The following MFSD6 variants were observed in gnomAD, a reference collection of about 807,000 sequenced individuals.
MFSD6 encodes the protein major facilitator superfamily domain-containing protein 6.
A neutral mutation model predicts 56.3 loss-of-function variants in MFSD6; 26 were observed. The observed-to-expected ratio is 0.46, with a 90% CI of 0.34 to 0.64. The LOEUF is 0.64. Among genes scored for constraint, MFSD6 ranks in the 30% least tolerant of loss-of-function variants. The pLI, the probability that MFSD6 is intolerant of heterozygous loss-of-function variation, is 0.01. For missense variants in MFSD6, 750 were observed against 986.2 expected, an observed-to-expected ratio of 0.76 and a Z score of 3.21; for synonymous variants, 331 against 366.9, an observed-to-expected ratio of 0.90 and a Z score of 1.12.
chr2:190,488,183 G>A lies in MFSD6; in HGVS notation c.1631-474G>A, dbSNP rs199592602. On this transcript the variant is annotated intron_variant, in intron 4 of 7. Transcript: ENST00000392328. This position sits in a 1 kb window ranked among gnomAD's most constrained non-coding sequence, Gnocchi z 6.4. ...CCCAAAGTGCTGGGATTACAGGCGT[G>A]AGCCACTGCGCCCAGCCACTCAAAA... Among the ~76,000 whole-genome samples the A allele has an allele frequency of 1.3e-5, 2 of 152,238 alleles. No individual in the cohort carries two copies. Among genetic ancestry groups the A allele is most frequent in the East Asian group, 3.8e-4 (2 of 5,200 alleles).
At position 190,488,700 on chromosome 2, in the gene MFSD6, C is replaced by T. The variant is rs1689157933; in HGVS notation, c.1674C>T (p.Leu558=). The part of the protein sequence containing the change: ...AAIWAACISY[L]SAAVPPELRT... ...TCTGGGCAGCATGCATTTCTTACCTCAGTGCAGCCGTTCCCCCTGAGCTGA... is the reference window on the plus strand; with the variant it reads ...TCTGGGCAGCATGCATTTCTTACCTTAGTGCAGCCGTTCCCCCTGAGCTGA... The change falls in exon 5 of 8, where the codon CTC becomes CTT. Residue 558 remains leucine, a synonymous_variant. Transcript: ENST00000392328. This position sits in a 1 kb window ranked among gnomAD's most constrained non-coding sequence, Gnocchi z 6.4. 3 of 1,601,234 alleles carry T rather than the reference C, an allele frequency of 1.9e-6. No individual in the cohort carries two copies. The highest frequency in any genetic ancestry group is 2.3e-5 in the East Asian group (1 of 44,052).
chr2:190,449,507 CA>C (rs1686698387), intron 3 of MFSD6, among the ~76,000 whole-genome samples: 1 of 152,016 alleles, frequency 6.6e-6, no homozygotes, highest in Admixed American at 6.6e-5. Flanking sequence ...CTGTGTCCAA[CA>C]ACTTTGATTT....
At position 190,492,377 on chromosome 2, in the gene MFSD6, A is replaced by G. The variant is rs1689408959; in HGVS notation, c.1891+2511A>G. On this transcript the variant is annotated intron_variant, in intron 6 of 7. Coordinates refer to ENST00000392328, the MANE Select transcript of MFSD6 (RefSeq NM_017694.4). The surrounding 1 kb of genome is among the most constrained non-coding windows in gnomAD (Gnocchi z 5.2). ...ATCTAAAGTCAAGAGGAAGGAAAGAATCTTAAGAGCTGTGAGGCAAAAGCA... is the reference window on the plus strand; with the variant it reads ...ATCTAAAGTCAAGAGGAAGGAAAGAGTCTTAAGAGCTGTGAGGCAAAAGCA... Among the ~76,000 whole-genome samples the G allele has an allele frequency of 6.6e-6, 1 of 152,230 alleles. No homozygotes were observed. Among genetic ancestry groups the G allele is most frequent in the African/African-American group, 2.4e-5 (1 of 41,464 alleles).
At position 190,457,895 on chromosome 2, in the gene MFSD6, T is replaced by G. The variant is rs555955363; in HGVS notation, c.1533-11863T>G. On this transcript the variant is annotated intron_variant, in intron 3 of 7. Transcript: ENST00000392328. This position sits in a 1 kb window ranked among gnomAD's most constrained non-coding sequence, Gnocchi z 5.1. ...TAAAACCAGATTAATTAGCACTGTT[T>G]GTAAAAGGTTTTCATTTGACCTCAA... 2.0e-5 allele frequency among the ~76,000 whole-genome samples: 3 copies of G among 152,316 alleles called. No homozygotes were observed. In the East Asian group the frequency reaches 5.8e-4, roughly 29 times the overall value.
At position 190,500,276 on chromosome 2, in the gene MFSD6, G is replaced by A; in HGVS notation, c.*58G>A. ...ATCAGGCTCCTCAGCCAGGACACAG[G>A]GTGAGGCCCCCCAGCCAGGATATGC... On this transcript the variant is annotated 3_prime_UTR_variant, in exon 8 of 8. Coordinates refer to ENST00000392328, the MANE Select transcript of MFSD6 (RefSeq NM_017694.4). This position sits in a 1 kb window ranked among gnomAD's most constrained non-coding sequence, Gnocchi z 5.3. 1 of 1,589,762 alleles carries A rather than the reference G, an allele frequency of 6.3e-7. No homozygotes were observed. Among genetic ancestry groups the A allele is most frequent in the Non-Finnish European group, 8.6e-7 (1 of 1,162,034 alleles).
chr2:190,419,614 A>G (rs987179937), intron 2 of MFSD6, among the ~76,000 whole-genome samples: 1 of 152,240 alleles, frequency 6.6e-6, no homozygotes, highest in Non-Finnish European at 1.5e-5. Flanking sequence ...AATTATTCCA[A>G]ATAATGTATT....
At position 190,408,467 on chromosome 2, in the gene MFSD6, C is replaced by A. The variant is rs1212450191; in HGVS notation, c.-212C>A. On this transcript the variant is annotated 5_prime_UTR_variant, in exon 1 of 8. Coordinates refer to ENST00000392328, the MANE Select transcript of MFSD6 (RefSeq NM_017694.4). ...CGTGCTCCGGGGACAGGGCTCCCCG[C>A]GCCCCGCGCAGCTGAGCGCTGCCGC... is the stretch of plus-strand genomic sequence containing the variant. The A allele has an allele frequency of 6.6e-6, 1 of 151,658 alleles. No homozygotes were observed. Among genetic ancestry groups the A allele is most frequent in the African/African-American group, 2.4e-5 (1 of 41,166 alleles). 9.4% of individuals were successfully genotyped at this position (151,658 alleles called of 1,614,324 possible).
At position 190,410,644 on chromosome 2, in the gene MFSD6, C is replaced by A. The variant is rs1030469351; in HGVS notation, c.-176+2141C>A. Among the ~76,000 whole-genome samples the A allele has an allele frequency of 1.3e-5, 2 of 152,178 alleles. No homozygotes were observed. Among genetic ancestry groups the A allele is most frequent in the Non-Finnish European group, 2.9e-5 (2 of 68,034 alleles). ...GAAGCTGACAGGTTTCTTTGTTTTA[C>A]TTCCTTTGACAGCAAATCTTAATTT... is the stretch of plus-strand genomic sequence containing the variant. On this transcript the variant is annotated intron_variant, in intron 1 of 7. Coordinates refer to ENST00000392328, the MANE Select transcript of MFSD6 (RefSeq NM_017694.4). This position sits in a 1 kb window ranked among gnomAD's most constrained non-coding sequence, Gnocchi z 4.4.
chr2:190,483,188 G>A (rs1474874445), intron 4 of MFSD6, among the ~76,000 whole-genome samples: 4 of 151,866 alleles, frequency 2.6e-5, no homozygotes, highest in African/African-American at 4.8e-5. Flanking sequence ...CACCGCGCCC[G>A]GCCGACTATC....
intron 2 of MFSD6, among the ~76,000 whole-genome samples, chr2:190,428,635 A>G (rs1467712958): frequency 6.6e-6 from 1 of 150,602 alleles, no homozygotes; most frequent in African/African-American, 2.5e-5. Context: ...GTTGGCACTC[A>G]AACATTTAGA....
chr2:190,488,844 T>A lies in MFSD6; in HGVS notation c.1792+26T>A. The A allele has an allele frequency of 6.6e-7, 1 of 1,513,152 alleles. No homozygotes were observed. The highest frequency in any genetic ancestry group is 2.4e-5 in the East Asian group (1 of 41,478). The allele number at this position is 1,513,152 out of a possible 1,614,324, so 93.7% of individuals were successfully genotyped here. A position where few individuals can be genotyped will look rare whatever the true frequency, so the allele number is the denominator to read the frequency against. Reference sequence around the variant, plus strand: ...GTAAGAATGGCTTTCTCCTTTTTTTTCTTTTCTATTATTAAAACATGATTT... The same window carrying A: ...GTAAGAATGGCTTTCTCCTTTTTTTACTTTTCTATTATTAAAACATGATTT... On this transcript the variant is annotated intron_variant, in intron 5 of 7. Coordinates refer to ENST00000392328, the MANE Select transcript of MFSD6 (RefSeq NM_017694.4). This position sits in a 1 kb window ranked among gnomAD's most constrained non-coding sequence, Gnocchi z 6.4.
At position 190,431,575 on chromosome 2, in the gene MFSD6, C is replaced by A. The variant is rs1396273968; in HGVS notation, c.-53-4402C>A. On this transcript the variant is annotated intron_variant, in intron 2 of 7. Coordinates refer to ENST00000392328, the MANE Select transcript of MFSD6 (RefSeq NM_017694.4). The surrounding 1 kb of genome is among the most constrained non-coding windows in gnomAD (Gnocchi z 4.4). ...CGAAAACCAGTCAGGTGTGGCGGCG[C>A]GCGCCTGCAATCGCAGGCACTTGGC... Among the ~76,000 whole-genome samples, 3 of 152,338 alleles carry A rather than the reference C, an allele frequency of 2.0e-5. No homozygotes were observed. The East Asian group carries it at 5.8e-4, about 29-fold the overall frequency.
intron 4 of MFSD6, among the ~76,000 whole-genome samples, chr2:190,482,875 T>TG (rs1395744937): frequency 8.0e-5 from 2 of 25,152 alleles, no homozygotes; most frequent in Non-Finnish European, 2.1e-4. Flanking sequence ...CATCTTTTTT[T>TG]TTTTTTTTTT....
rs901391932 is a variant in MFSD6 at position 190,439,576 on chromosome 2, T to C, written c.1532+2015T>C. ...AAATCCTAGTGGGTTTACTACTCCT[T>C]TGGTAAGCTTAGACTTGTGTGTTTC... On this transcript the variant is annotated intron_variant, in intron 3 of 7. Transcript: ENST00000392328. The surrounding 1 kb of genome is among the most constrained non-coding windows in gnomAD (Gnocchi z 5.8). Among the ~76,000 whole-genome samples, 4 of 152,332 alleles carry C rather than the reference T, an allele frequency of 2.6e-5. No homozygotes were observed. Among genetic ancestry groups the C allele is most frequent in the African/African-American group, 9.6e-5 (4 of 41,570 alleles).
In MFSD6 at chr2:190,493,961, A is replaced by G. The variant is rs377452568; in HGVS notation, c.1892-3478A>G. Among the ~76,000 whole-genome samples, 16 of 152,172 alleles carry G rather than the reference A, an allele frequency of 1.1e-4. 1 individual carries two copies. The highest frequency in any genetic ancestry group is 7.7e-4 in the East Asian group (4 of 5,196). On this transcript the variant is annotated intron_variant, in intron 6 of 7. Transcript: ENST00000392328. ...AAGGTCACACCTCAAGGAACTAGAG[A>G]AACAAGAACAAACCAAACCCAGCAG... is the stretch of plus-strand genomic sequence containing the variant.
rs1689520824 is a variant in MFSD6 at position 190,494,032 on chromosome 2, A to AG, written c.1892-3405dup. Among the ~76,000 whole-genome samples the AG allele has an allele frequency of 6.6e-6, 1 of 152,118 alleles. No homozygotes were observed. The highest frequency in any genetic ancestry group is 2.1e-4 in the South Asian group (1 of 4,836). ...TGAGAGAATAACTAAATGAAATTGA[A>AG]GGAAAAAAAATACAAAAAATAAATG... On this transcript the variant is annotated intron_variant, in intron 6 of 7. Coordinates refer to ENST00000392328, the MANE Select transcript of MFSD6 (RefSeq NM_017694.4). The surrounding 1 kb of genome is among the most constrained non-coding windows in gnomAD (Gnocchi z 5.7).
intron 3 of MFSD6, among the ~76,000 whole-genome samples, chr2:190,444,642 A>T (rs1686505417): frequency 6.6e-6 from 1 of 152,216 alleles, no homozygotes; most frequent in African/African-American, 2.4e-5. Context: ...TATAAAAACC[A>T]TGGCAAAGCA....
rs1238862302 is a variant in MFSD6, at chr2:190,410,458, C to T, written c.-176+1955C>T. On this transcript the variant is annotated intron_variant, in intron 1 of 7. Transcript: ENST00000392328. The surrounding 1 kb of genome is among the most constrained non-coding windows in gnomAD (Gnocchi z 4.4). Reference sequence around the variant, plus strand: ...TCTCTCCACCTACGCAGATGTCTTCCTTAGCTTCGTGCCTTTGAAAATTAA... The same window carrying T: ...TCTCTCCACCTACGCAGATGTCTTCTTTAGCTTCGTGCCTTTGAAAATTAA... 6.6e-6 allele frequency among the ~76,000 whole-genome samples: 1 copy of T among 152,220 alleles called. No individual in the cohort carries two copies. The highest frequency in any genetic ancestry group is 1.5e-5 in the Non-Finnish European group (1 of 68,046).
At chr2:190,446,538 G>T (rs1349985547) in intron 3 of MFSD6, among the ~76,000 whole-genome samples, 1 of 152,180 alleles carries the variant, frequency 6.6e-6, no homozygotes, top group African/African-American at 2.4e-5. Context: ...ACTGGGATCT[G>T]AGTTGGAAAA....
Sources: gnomAD v4.1 joint callset for allele counts (sites outside exome capture counted in the v4.1 genomes callset) on GRCh38, gnomAD v4.1.1 for gene constraint, Gnocchi (gnomAD v3.1) non-coding constraint, MANE v1.5 for transcripts, NCBI Gene and HGNC (gene_info 2026-07-23, HGNC 2026-07-21) for gene names.